Variants in DLG2 observed in about 807,000 individuals in gnomAD.
DLG2 encodes disks large homolog 2.
Under a neutral mutation model 132.5 loss-of-function variants are expected in DLG2, and 45 were observed. The observed-to-expected ratio is 0.34, with a 90% CI of 0.27 to 0.44. DLG2 has a LOEUF of 0.44. Ranked by LOEUF, DLG2 falls within the 20% of genes least tolerant of loss-of-function variation. The pLI, the probability that DLG2 is intolerant of heterozygous loss-of-function variation, is 1.00. For synonymous variants in DLG2, 424 were observed against 419.6 expected (o/e 1.01, Z -0.13); for missense variants, 1,045 against 1,196.9 (o/e 0.87, Z 1.87).
intron 7 of DLG2, among the ~76,000 whole-genome samples, chr11:84,420,958 G>A (rs11234024): frequency 2.0e-5 from 3 of 151,862 alleles, no homozygotes; most frequent in Non-Finnish European, 2.9e-5. Flanking sequence ...GTGAGCCACC[G>A]CGCCCGGCCC....
intron 20 of DLG2, 133 bp from the exon 21 acceptor site, chr11:83,532,916 C>T (rs1309214685): frequency 1.4e-6 from 1 of 732,424 alleles, no homozygotes; most frequent in East Asian, 2.8e-5. Context: ...ATTTCTCTTC[C>T]TTTGTTCCAT....
intron 4 of DLG2, among the ~76,000 whole-genome samples, chr11:85,195,108 A>G (rs1595269780): frequency 6.6e-6 from 1 of 152,190 alleles, no homozygotes; most frequent in Non-Finnish European, 1.5e-5. Context: ...AAAATTCCCT[A>G]TGTTCCTGAG....
chr11:84,758,501 T>G (rs1196078898), intron 6 of DLG2, among the ~76,000 whole-genome samples: 1 of 152,220 alleles, frequency 6.6e-6, no homozygotes, highest in African/African-American at 2.4e-5. Context: ...TTTGTTGAAC[T>G]GATTCCTTTA....
intron 2 of DLG2, among the ~76,000 whole-genome samples, chr11:85,622,582 A>G (rs2081791439): frequency 6.6e-6 from 1 of 151,782 alleles, no homozygotes; most frequent in Non-Finnish European, 1.5e-5. Context: ...AACTTTGAAT[A>G]GGGAAAAAAT....
At position 83,859,662 on chromosome 11, in the gene DLG2, C is replaced by T. The variant is rs996605941; in HGVS notation, c.1565+14758G>A. On this transcript the variant is annotated intron_variant, in intron 16 of 27. Transcript: ENST00000376104. ...GGGATAGAAAAGAAAATCTCATTTT[C>T]TGAGGAGAAATTTAAGCCAGCTGCA... Among the ~76,000 whole-genome samples the T allele has an allele frequency of 2.0e-5, 3 of 152,300 alleles. No homozygotes were observed. In the East Asian group the frequency reaches 5.8e-4, roughly 29 times the overall value.
intron 10 of DLG2, among the ~76,000 whole-genome samples, chr11:84,060,858 A>C (rs968267875): frequency 2.8e-4 from 43 of 152,202 alleles, no homozygotes; most frequent in Middle Eastern, 3.4e-3. Context: ...GTATAGCCTC[A>C]GTCCATCTAG....
intron 8 of DLG2, among the ~76,000 whole-genome samples, chr11:84,215,520 T>A (rs2096824639): frequency 6.6e-6 from 1 of 152,202 alleles, no homozygotes; most frequent in Non-Finnish European, 1.5e-5. Flanking sequence ...AGGGGCTTTT[T>A]GCTGGTTCAG....
intron 4 of DLG2, among the ~76,000 whole-genome samples, chr11:85,189,380 G>A (rs1212830006): frequency 6.6e-6 from 1 of 152,140 alleles, no homozygotes. Context: ...TACAAACCAT[G>A]CTGTATCTAT....
At chr11:85,305,568 A>T (rs2079882501) in intron 3 of DLG2, among the ~76,000 whole-genome samples, 1 of 152,050 alleles carries the variant, frequency 6.6e-6, no homozygotes, top group East Asian at 1.9e-4. Flanking sequence ...GCTGGAGTGC[A>T]GTGGCGCGAT....
At chr11:83,969,445 T>C (rs1411322944) in intron 12 of DLG2, among the ~76,000 whole-genome samples, 1 of 152,168 alleles carries the variant, frequency 6.6e-6, no homozygotes, top group Non-Finnish European at 1.5e-5. Flanking sequence ...AAAAAATAAA[T>C]AAGTAAAATG....
At chr11:84,494,517 A>C (rs1415295868) in intron 7 of DLG2, among the ~76,000 whole-genome samples, 1 of 152,186 alleles carries the variant, frequency 6.6e-6, no homozygotes, top group Non-Finnish European at 1.5e-5. Flanking sequence ...TGACCCAGGC[A>C]GATGGAGAAG....
At chr11:84,582,431 A>G (rs1003059691) in intron 6 of DLG2, among the ~76,000 whole-genome samples, 5 of 148,842 alleles carry the variant, frequency 3.4e-5, no homozygotes, top group African/African-American at 4.9e-5. Flanking sequence ...ATATTAAGTT[A>G]AAATACATAT....
intron 7 of DLG2, among the ~76,000 whole-genome samples, chr11:84,512,473 T>C (rs1311894907): frequency 6.6e-6 from 1 of 152,208 alleles, no homozygotes; most frequent in East Asian, 1.9e-4. Context: ...TTGTATTTAT[T>C]CTGCAACTGA....
intron 6 of DLG2, among the ~76,000 whole-genome samples, chr11:85,015,903 T>A (rs1430016868): frequency 6.6e-6 from 1 of 152,338 alleles, no homozygotes; most frequent in Non-Finnish European, 1.5e-5. Flanking sequence ...GAAATCAATG[T>A]TATCTCTGAT....
chr11:84,931,135 G>A (rs1039541948), intron 6 of DLG2, among the ~76,000 whole-genome samples: 1 of 151,828 alleles, frequency 6.6e-6, no homozygotes, highest in African/African-American at 2.4e-5. Flanking sequence ...CTGACCTTAG[G>A]TTTCCCCACC....
chr11:85,478,529 G>A (rs1396194027), intron 3 of DLG2, among the ~76,000 whole-genome samples: 1 of 152,160 alleles, frequency 6.6e-6, no homozygotes, highest in African/African-American at 2.4e-5. Context: ...TCTACAATGT[G>A]AAATTTGTCA....
At chr11:85,621,752 A>G (rs2081717784) in intron 2 of DLG2, among the ~76,000 whole-genome samples, 1 of 152,246 alleles carries the variant, frequency 6.6e-6, no homozygotes, top group African/African-American at 2.4e-5. Flanking sequence ...ATGAGCAAAG[A>G]AAGTGGTTTC....
chr11:84,269,714 C>T (rs935087217), intron 7 of DLG2, among the ~76,000 whole-genome samples: 12 of 152,236 alleles, frequency 7.9e-5, no homozygotes, highest in Non-Finnish European at 1.3e-4. Context: ...AATAGTATTG[C>T]GACTTCTTTT....
At chr11:85,497,742 CCTA>C (rs2153118495) in intron 3 of DLG2, among the ~76,000 whole-genome samples, 1 of 152,226 alleles carries the variant, frequency 6.6e-6, no homozygotes, top group African/African-American at 2.4e-5. Flanking sequence ...CGGCAGAAAC[CCTA>C]CAAGCCAAAA....
Sources: gnomAD v4.1 joint callset for allele counts (sites outside exome capture counted in the v4.1 genomes callset) on GRCh38, gnomAD v4.1.1 for gene constraint, MANE v1.5 for transcripts, NCBI Gene and HGNC (gene_info 2026-07-23, HGNC 2026-07-21) for gene names.